The following PDE4B variants were observed in gnomAD, a reference collection of about 807,000 sequenced individuals.
PDE4B encodes the protein phosphodiesterase 4B.
A neutral mutation model predicts 82.2 loss-of-function variants in PDE4B; 20 were observed. That is an observed-to-expected ratio of 0.24 (90% confidence interval 0.17 to 0.35). The LOEUF (loss-of-function observed/expected upper bound fraction) is 0.35. PDE4B is among the 10% of genes least tolerant of loss of function. PDE4B has a pLI of 1.00. For synonymous variants in PDE4B, 320 were observed against 318.9 expected (o/e 1.00, Z -0.04); for missense variants, 655 against 907.2 (o/e 0.72, Z 3.57).
At chr1:66,273,905 C>T (rs553194288) in intron 7 of PDE4B, among the ~76,000 whole-genome samples, 4 of 152,326 alleles carry the variant, frequency 2.6e-5, no homozygotes, top group East Asian at 1.9e-4. Flanking sequence ...ATCTTGACAA[C>T]GTGTGACTTT....
intron 16 of PDE4B, among the ~76,000 whole-genome samples, chr1:66,369,650 C>A (rs1663527004): frequency 6.6e-6 from 1 of 152,152 alleles, no homozygotes; most frequent in African/African-American, 2.4e-5. Context: ...TGGGCTGAGC[C>A]AAGTAGCTGA....
intron 3 of PDE4B, among the ~76,000 whole-genome samples, chr1:66,170,528 C>A (rs1195746673): frequency 6.6e-6 from 1 of 152,040 alleles, no homozygotes; most frequent in Non-Finnish European, 1.5e-5. Flanking sequence ...TTTAAAAAAG[C>A]TTTTCCCTGT....
At chr1:66,321,958 C>T (rs1387376116) in intron 7 of PDE4B, among the ~76,000 whole-genome samples, 1 of 152,154 alleles carries the variant, frequency 6.6e-6, no homozygotes, top group Non-Finnish European at 1.5e-5. Flanking sequence ...CAACATGGTA[C>T]TGGTACCAGA....
chr1:65,969,173 A>G (rs1380866881), intron 3 of PDE4B, among the ~76,000 whole-genome samples: 1 of 152,182 alleles, frequency 6.6e-6, no homozygotes. Context: ...CATATGACAC[A>G]TTCATCTTGG....
intron 1 of PDE4B, among the ~76,000 whole-genome samples, chr1:65,801,568 T>A (rs1487708946): frequency 6.6e-6 from 1 of 152,204 alleles, no homozygotes; most frequent in African/African-American, 2.4e-5. Context: ...ATAATTTTCA[T>A]CTTATTTTTC....
chr1:65,982,757 T>A (rs1650751132), intron 3 of PDE4B, among the ~76,000 whole-genome samples: 2 of 152,156 alleles, frequency 1.3e-5, no homozygotes, highest in South Asian at 2.1e-4. Context: ...CTTCTGGGAT[T>A]CTACAAGCAG....
chr1:65,985,459 A>C (rs1417183528), intron 3 of PDE4B, among the ~76,000 whole-genome samples: 4 of 152,208 alleles, frequency 2.6e-5, no homozygotes, highest in Non-Finnish European at 5.9e-5. Flanking sequence ...GACTACTGAC[A>C]AAGTAGGAAA....
chr1:66,247,799 T>G, intron 4 of PDE4B, 145 bp downstream of exon 4: 1 of 577,636 alleles, frequency 1.7e-6, no homozygotes, highest in East Asian at 3.0e-5. Context: ...GTGATGACCA[T>G]TTTAAGGACA....
intron 3 of PDE4B, among the ~76,000 whole-genome samples, chr1:65,976,054 C>G (rs1379462368): frequency 6.6e-6 from 1 of 152,106 alleles, no homozygotes; most frequent in Non-Finnish European, 1.5e-5. Flanking sequence ...AATGGTAGAT[C>G]CATCGACAGC....
intron 3 of PDE4B, among the ~76,000 whole-genome samples, chr1:66,185,650 T>C (rs1035338986): frequency 2.0e-5 from 3 of 152,234 alleles, no homozygotes; most frequent in African/African-American, 7.2e-5. Context: ...TTTTGAGAAG[T>C]GTCTGTTATC....
intron 3 of PDE4B, among the ~76,000 whole-genome samples, chr1:65,976,733 C>G (rs1650428538): frequency 6.6e-6 from 1 of 152,184 alleles, no homozygotes. Flanking sequence ...CTGCTTATCT[C>G]TCTGTCTCTC....
chr1:65,818,693 T>C (rs983977117), intron 1 of PDE4B, among the ~76,000 whole-genome samples: 1 of 148,522 alleles, frequency 6.7e-6, no homozygotes, highest in African/African-American at 2.5e-5. Flanking sequence ...CACATATATA[T>C]ATATATATAT....
intron 1 of PDE4B, among the ~76,000 whole-genome samples, chr1:65,868,766 GC>G (rs540734955): frequency 1.1e-3 from 166 of 152,298 alleles, no homozygotes; most frequent in African/African-American, 3.7e-3. Context: ...CCTGAACTCT[GC>G]CTCCTGTCAG....
At chr1:65,799,789 AGACT>A (rs1342661862) in intron 1 of PDE4B, among the ~76,000 whole-genome samples, 1 of 152,342 alleles carries the variant, frequency 6.6e-6, no homozygotes, top group South Asian at 2.1e-4. Flanking sequence ...GTGTTCAAAC[AGACT>A]GACTGTGCGA....
intron 3 of PDE4B, among the ~76,000 whole-genome samples, chr1:66,014,073 A>T (rs1175576773): frequency 1.8e-4 from 1 of 5,714 alleles, no homozygotes; most frequent in East Asian, 0.1. Flanking sequence ...TTTTCACGTG[A>T]TTATTGGCCA....
intron 3 of PDE4B, among the ~76,000 whole-genome samples, chr1:66,229,238 T>C (rs2101627349): frequency 6.6e-6 from 1 of 151,870 alleles, no homozygotes; most frequent in African/African-American, 2.4e-5. Context: ...CTTGATCTCC[T>C]GACCTCGTGA....
intron 1 of PDE4B, among the ~76,000 whole-genome samples, chr1:65,887,014 A>G (rs1377894256): frequency 6.6e-6 from 1 of 151,996 alleles, no homozygotes; most frequent in East Asian, 1.9e-4. Flanking sequence ...ACTTTTCTTC[A>G]CATTCTCACC....
chr1:65,905,373 C>T (rs1388257336), intron 1 of PDE4B, among the ~76,000 whole-genome samples: 1 of 152,076 alleles, frequency 6.6e-6, no homozygotes, highest in East Asian at 1.9e-4. Context: ...GCTGGATACA[C>T]TCTACATCCA....
intron 3 of PDE4B, among the ~76,000 whole-genome samples, chr1:66,218,807 C>A (rs951196854): frequency 6.6e-6 from 1 of 152,142 alleles, no homozygotes; most frequent in Admixed American, 6.5e-5. Context: ...CAAGGCCTAG[C>A]ATTCGATAGA....
Sources: gnomAD v4.1 joint callset for allele counts (sites outside exome capture counted in the v4.1 genomes callset) on GRCh38, gnomAD v4.1.1 for gene constraint, MANE v1.5 for transcripts, NCBI Gene and HGNC (gene_info 2026-07-23, HGNC 2026-07-21) for gene names.